The following VPS35L variants were observed in gnomAD, a reference collection of about 807,000 sequenced individuals.
VPS35L encodes VPS35 endosomal protein-sorting factor-like.
Under a neutral mutation model 133.0 loss-of-function variants are expected in VPS35L, and 83 were observed. That is an observed-to-expected ratio of 0.62 (90% CI 0.52 to 0.75). The LOEUF (loss-of-function observed/expected upper bound fraction) is 0.75. Ranked by LOEUF, VPS35L falls within the 30% of genes least tolerant of loss-of-function variation. The probability of loss-of-function intolerance (pLI) is 0.00; values close to 1 mark genes in which losing one functional copy is unlikely to be tolerated. For missense variants in VPS35L, 1,083 were observed against 1,206.8 expected (o/e 0.90, Z 1.52); for synonymous variants, 423 against 449.9 (o/e 0.94, Z 0.76).
At chr16:19,615,694 C>T (rs143929456) in intron 12 of VPS35L, among the ~76,000 whole-genome samples, 2,480 of 150,926 alleles carry the variant, frequency 0.016, 69 homozygotes, top group African/African-American at 0.056. Flanking sequence ...ATAGGCCGGG[C>T]GCTGTGGCTC....
Position 19,598,847 on chromosome 16 carries a change from T to C in VPS35L, c.725-2817T>C, listed in dbSNP as rs151193193. Among the ~76,000 whole-genome samples, 191 of 151,858 alleles carry C rather than the reference T, an allele frequency of 1.3e-3. No individual in the cohort carries two copies. In the East Asian group the frequency reaches 0.022, roughly 17 times the overall value. On this transcript the variant is annotated intron_variant, in intron 8 of 30. Transcript: ENST00000417362. ...TTTTTTTTAAAAAAAAGAAAGCTAG[T>C]TTTAGAGGGATGGCAACTTTCGTGT...
chr16:19,559,443 G>A (rs543838891), intron 1 of VPS35L, among the ~76,000 whole-genome samples: 180 of 152,274 alleles, frequency 1.2e-3, no homozygotes, highest in African/African-American at 4.2e-3. Flanking sequence ...ATTACTGGGG[G>A]TTGGAATTAT....
intron 29 of VPS35L, among the ~76,000 whole-genome samples, chr16:19,691,952 G>A (rs1315503522): frequency 1.3e-5 from 2 of 151,200 alleles, no homozygotes; most frequent in Non-Finnish European, 2.9e-5. Context: ...TCGGCTCACT[G>A]CAACCTCCGC....
chr16:19,615,181 C>T (rs1422799354), intron 12 of VPS35L, among the ~76,000 whole-genome samples: 1 of 152,120 alleles, frequency 6.6e-6, no homozygotes, highest in African/African-American at 2.4e-5. Context: ...ATTGTATGCA[C>T]AATCTTGAGA....
chr16:19,598,497 A>C (rs1434598850), intron 8 of VPS35L, among the ~76,000 whole-genome samples: 1 of 152,174 alleles, frequency 6.6e-6, no homozygotes, highest in Non-Finnish European at 1.5e-5. Context: ...AAAATATGAA[A>C]GTGAGGCCCA....
chr16:19,686,948 C>T (rs1975482767), intron 28 of VPS35L, among the ~76,000 whole-genome samples: 1 of 152,152 alleles, frequency 6.6e-6, no homozygotes, highest in African/African-American at 2.4e-5. Context: ...TTGCAGTGAG[C>T]CAAGATCGTG....
chr16:19,607,856 C>G (rs189016796), intron 9 of VPS35L: 1 of 225,324 alleles, frequency 4.4e-6, no homozygotes, highest in African/African-American at 2.2e-5. Context: ...TTGCTGTGTG[C>G]CTTGGGTGAG....
At chr16:19,588,706 T>A (rs1455699077) in intron 7 of VPS35L, among the ~76,000 whole-genome samples, 2 of 152,084 alleles carry the variant, frequency 1.3e-5, no homozygotes, top group Admixed American at 6.6e-5. Context: ...AGCATCTGGC[T>A]CTGTTCTTTT....
chr16:19,575,909 A>G (rs1331071427), intron 5 of VPS35L, among the ~76,000 whole-genome samples: 1 of 148,626 alleles, frequency 6.7e-6, no homozygotes, highest in Non-Finnish European at 1.5e-5. Context: ...TAATCCCAGC[A>G]GTTTGGGAGG....
chr16:19,605,657 G>A lies in VPS35L; in HGVS notation c.785-2521G>A, dbSNP rs116297255. 3.9e-3 allele frequency among the ~76,000 whole-genome samples: 600 copies of A among 152,264 alleles called. 6 individuals are homozygous for A. Among genetic ancestry groups the A allele is most frequent in the Middle Eastern group, 0.02 (6 of 294 alleles). ...ATCTAGGCATGGCTGGCTCCCTTTCGTAGTTCAGGGCTCAGCTCAAATGCT... is the reference window on the plus strand; with the variant it reads ...ATCTAGGCATGGCTGGCTCCCTTTCATAGTTCAGGGCTCAGCTCAAATGCT... On this transcript the variant is annotated intron_variant, in intron 9 of 30. Coordinates refer to ENST00000417362, the MANE Select transcript of VPS35L (RefSeq NM_020314.7).
intron 19 of VPS35L, among the ~76,000 whole-genome samples, chr16:19,635,550 A>C (rs1383166886): frequency 6.6e-6 from 1 of 152,218 alleles, no homozygotes; most frequent in East Asian, 1.9e-4. Context: ...GAAAAGACTA[A>C]TTGAGACAAT....
At chr16:19,627,488 A>C (rs1027319469) in intron 15 of VPS35L, among the ~76,000 whole-genome samples, 2 of 152,146 alleles carry the variant, frequency 1.3e-5, no homozygotes, top group African/African-American at 4.8e-5. Context: ...CTAAACATCC[A>C]GTTAATTCAA....
intron 14 of VPS35L, among the ~76,000 whole-genome samples, chr16:19,622,052 C>T (rs1002778045): frequency 1.3e-5 from 2 of 151,822 alleles, no homozygotes; most frequent in African/African-American, 2.4e-5. Context: ...TGTTTTCCTC[C>T]CATCTTACCC....
chr16:19,577,808 C>T (rs559529792), intron 5 of VPS35L, among the ~76,000 whole-genome samples: 81 of 152,296 alleles, frequency 5.3e-4, no homozygotes, highest in South Asian at 1.9e-3. Context: ...AGTGAAAACA[C>T]AGCAGGAGGG....
At chr16:19,610,249 C>G in intron 11 of VPS35L, 73 bp from the exon 12 acceptor site, 1 of 1,297,774 alleles carries the variant, frequency 7.7e-7, no homozygotes, top group Non-Finnish European at 1.1e-6. Context: ...AAGTCTTTAT[C>G]TTTATTTAAA....
intron 4 of VPS35L, among the ~76,000 whole-genome samples, chr16:19,574,108 G>A (rs1247998347): frequency 2.6e-5 from 4 of 152,158 alleles, no homozygotes; most frequent in Admixed American, 6.6e-5. Flanking sequence ...GGGTTCAGTT[G>A]CTTAGAACTA....
chr16:19,656,962 GTTTTTTTTT>G (rs1180404849), intron 26 of VPS35L, among the ~76,000 whole-genome samples: 1 of 109,560 alleles, frequency 9.1e-6, no homozygotes, highest in Admixed American at 1.0e-4. Flanking sequence ...AAAAGAACTT[GTTTTTTTTT>G]TTTTTTTTTT....
chr16:19,568,982 G>C (rs560881833), intron 2 of VPS35L, among the ~76,000 whole-genome samples: 2 of 151,532 alleles, frequency 1.3e-5, no homozygotes, highest in African/African-American at 4.8e-5. Flanking sequence ...AGGGAGAAAG[G>C]CAAAAAAAAA....
intron 5 of VPS35L, chr16:19,578,286 CTTTTTTTTTT>C (rs557894286): frequency 7.2e-6 from 3 of 414,478 alleles, no homozygotes; most frequent in Non-Finnish European, 1.4e-5. Context: ...TTTCTTTTTT[CTTTTTTTTTT>C]TTTTGAGATG....
Sources: allele counts gnomAD v4.1 joint callset (sites outside exome capture counted in the v4.1 genomes callset), GRCh38; gene constraint gnomAD v4.1.1; transcripts MANE v1.5; gene names NCBI Gene and HGNC (gene_info 2026-07-23, HGNC 2026-07-21).